PLPPR1: variants seen among roughly 807,000 people sequenced by gnomAD.
PLPPR1 encodes the protein phospholipid phosphatase-related protein type 1.
A neutral mutation model predicts 33.1 loss-of-function variants in PLPPR1; 10 were observed. The observed-to-expected ratio is 0.30, with a 90% CI of 0.19 to 0.51. The LOEUF (loss-of-function observed/expected upper bound fraction) is 0.51. Among genes scored for constraint, PLPPR1 ranks in the 20% least tolerant of loss-of-function variants. The pLI is 0.97. For missense variants in PLPPR1, 304 were observed against 408.1 expected (o/e 0.74, Z 2.20); for synonymous variants, 151 against 151.0 (o/e 1.00, Z 0.00).
chr9:101,294,354 G>A (rs1828579111), intron 4 of PLPPR1, among the ~76,000 whole-genome samples: 1 of 151,782 alleles, frequency 6.6e-6, no homozygotes, highest in African/African-American at 2.4e-5. Flanking sequence ...TGGATTCACA[G>A]CCGAATTCTA....
chr9:101,108,959 A>T (rs977099718), intron 1 of PLPPR1, among the ~76,000 whole-genome samples: 4 of 94,216 alleles, frequency 4.2e-5, no homozygotes, highest in African/African-American at 1.8e-4. Context: ...TGTCTTCAAT[A>T]ATTTTTTTTT....
At chr9:101,055,996 C>A (rs1376850224) in intron 1 of PLPPR1, among the ~76,000 whole-genome samples, 1 of 152,210 alleles carries the variant, frequency 6.6e-6, no homozygotes, top group Non-Finnish European at 1.5e-5. Flanking sequence ...GTTATTAATA[C>A]AAAAGCAGCA....
intron 2 of PLPPR1, among the ~76,000 whole-genome samples, chr9:101,198,015 C>A (rs969930976): frequency 2.0e-5 from 3 of 152,178 alleles, no homozygotes; most frequent in African/African-American, 7.2e-5. Context: ...ACTCACATTT[C>A]ACTTGTCAGT....
At chr9:101,300,377 C>G (rs1359225630) in intron 4 of PLPPR1, among the ~76,000 whole-genome samples, 1 of 152,142 alleles carries the variant, frequency 6.6e-6, no homozygotes, top group Non-Finnish European at 1.5e-5. Flanking sequence ...CAGGGTCTCC[C>G]TATGTTGCCG....
rs185630913 is a variant in PLPPR1, at chr9:101,070,937, A to G, written c.-46+41835A>G. ...AAAATGAATTAATCAATTTACAAAAATTTGGGTTAGTTTATGCTTACTTTA... is the reference window on the plus strand; with the variant it reads ...AAAATGAATTAATCAATTTACAAAAGTTTGGGTTAGTTTATGCTTACTTTA... On this transcript the variant is annotated intron_variant, in intron 1 of 7. Coordinates refer to ENST00000374874, the MANE Select transcript of PLPPR1 (RefSeq NM_207299.2). Among the ~76,000 whole-genome samples the G allele has an allele frequency of 1.3e-3, 197 of 152,242 alleles. 1 individual carries two copies. The highest frequency in any genetic ancestry group is 0.01 in the Middle Eastern group (3 of 294).
At chr9:101,289,206 C>A (rs1828450219) in intron 4 of PLPPR1, among the ~76,000 whole-genome samples, 1 of 152,198 alleles carries the variant, frequency 6.6e-6, no homozygotes, top group Non-Finnish European at 1.5e-5. Flanking sequence ...GCTGGCCAAA[C>A]CCTACTCATC....
At chr9:101,159,420 A>G (rs1046635945) in intron 1 of PLPPR1, among the ~76,000 whole-genome samples, 2 of 152,200 alleles carry the variant, frequency 1.3e-5, no homozygotes, top group Admixed American at 6.5e-5. Context: ...GCATAATGAT[A>G]TGAATAACAC....
chr9:101,086,085 G>A (rs527708540), intron 1 of PLPPR1, among the ~76,000 whole-genome samples: 20 of 152,152 alleles, frequency 1.3e-4, no homozygotes, highest in South Asian at 4.2e-4. Context: ...ATGAAAAGTC[G>A]ATCATGTGCT....
intron 4 of PLPPR1, among the ~76,000 whole-genome samples, chr9:101,305,028 G>C (rs539913919): frequency 2.6e-5 from 4 of 152,114 alleles, no homozygotes; most frequent in Admixed American, 2.0e-4. Context: ...AGCCAATTCA[G>C]AGCGAACTCA....
intron 1 of PLPPR1, among the ~76,000 whole-genome samples, chr9:101,161,606 G>A (rs1354584551): frequency 2.0e-5 from 3 of 152,012 alleles, no homozygotes; most frequent in Non-Finnish European, 4.4e-5. Flanking sequence ...TTATTATGGG[G>A]GTTCATTAAG....
chr9:101,116,600 G>A (rs1163318619), intron 1 of PLPPR1, among the ~76,000 whole-genome samples: 2 of 152,084 alleles, frequency 1.3e-5, no homozygotes, highest in East Asian at 1.9e-4. Context: ...GGATCACAAG[G>A]TCAAGAGATC....
rs576254784 is a variant in PLPPR1, at chr9:101,237,813, G to T, written c.64-32067G>T. ...TTATAGATGAGTAGTATTCCATTGTGTGCATATATATATATATATATATGC... is the reference window on the plus strand; with the variant it reads ...TTATAGATGAGTAGTATTCCATTGTTTGCATATATATATATATATATATGC... On this transcript the variant is annotated intron_variant, in intron 2 of 7. Transcript: ENST00000374874. Among the ~76,000 whole-genome samples, 6 of 86,348 alleles carry T rather than the reference G, an allele frequency of 6.9e-5. No individual in the cohort carries two copies. The South Asian group carries it at 2.0e-3, about 29-fold the overall frequency. 56.6% of individuals were successfully genotyped at this position (86,348 alleles called of 152,430 possible). A position where few individuals can be genotyped will look rare whatever the true frequency, so the allele number is the denominator to read the frequency against.
chr9:101,267,630 G>A (rs1216605284), intron 2 of PLPPR1, among the ~76,000 whole-genome samples: 2 of 152,138 alleles, frequency 1.3e-5, no homozygotes, highest in African/African-American at 4.8e-5. Flanking sequence ...GATGGTTTGT[G>A]GCCTAATTGG....
At chr9:101,182,804 A>G (rs770703297) in intron 1 of PLPPR1, among the ~76,000 whole-genome samples, 15 of 151,978 alleles carry the variant, frequency 9.9e-5, no homozygotes, top group Admixed American at 2.6e-4. Flanking sequence ...CTTGAAAATA[A>G]TAAGACGAAC....
At chr9:101,130,428 A>G (rs940132251) in intron 1 of PLPPR1, among the ~76,000 whole-genome samples, 1 of 152,204 alleles carries the variant, frequency 6.6e-6, no homozygotes, top group Admixed American at 6.5e-5. Context: ...CTTCCATAAA[A>G]TGGAGCTAAT....
chr9:101,196,067 T>C (rs1314018744), intron 2 of PLPPR1, among the ~76,000 whole-genome samples: 1 of 152,224 alleles, frequency 6.6e-6, no homozygotes, highest in African/African-American at 2.4e-5. Flanking sequence ...TGATGCATTT[T>C]TCTGTCACTG....
chr9:101,295,339 G>A (rs1192360575), intron 4 of PLPPR1, among the ~76,000 whole-genome samples: 5 of 151,744 alleles, frequency 3.3e-5, no homozygotes, highest in African/African-American at 1.2e-4. Flanking sequence ...ATGCTCATGG[G>A]TAGGAAGAAT....
At chr9:101,322,898 G>A (rs1433829959) in intron 7 of PLPPR1, among the ~76,000 whole-genome samples, 1 of 152,064 alleles carries the variant, frequency 6.6e-6, no homozygotes, top group Non-Finnish European at 1.5e-5. Flanking sequence ...ACAAGACCAT[G>A]ATACAAGTCT....
At chr9:101,197,508 T>C (rs1826419037) in intron 2 of PLPPR1, among the ~76,000 whole-genome samples, 1 of 152,220 alleles carries the variant, frequency 6.6e-6, no homozygotes, top group South Asian at 2.1e-4. Flanking sequence ...TTCTCAGATA[T>C]GCCAGGTGTG....
Sources: gnomAD v4.1 joint callset for allele counts (sites outside exome capture counted in the v4.1 genomes callset) on GRCh38, gnomAD v4.1.1 for gene constraint, MANE v1.5 for transcripts, NCBI Gene and HGNC (gene_info 2026-07-23, HGNC 2026-07-21) for gene names.